SCYL2: variants seen among roughly 807,000 people sequenced by gnomAD.
SCYL2 encodes SCY1 like pseudokinase 2, also known as SCY1-like protein 2.
A neutral mutation model predicts 100.4 loss-of-function variants in SCYL2; 36 were observed. The observed-to-expected ratio is 0.36, with a 90% CI of 0.27 to 0.47. The LOEUF (loss-of-function observed/expected upper bound fraction) is 0.47, where lower values mean the gene tolerates loss of function less well. SCYL2 is among the 20% of genes least tolerant of loss of function. The pLI, the probability that SCYL2 is intolerant of heterozygous loss-of-function variation, is 1.00. For synonymous variants in SCYL2, 330 were observed against 359.2 expected (o/e 0.92, Z 0.92); for missense variants, 902 against 1,083.9 (o/e 0.83, Z 2.36).
At chr12:100,288,814 G>A (rs2096307285) in intron 2 of SCYL2, among the ~76,000 whole-genome samples, 1 of 150,476 alleles carries the variant, frequency 6.6e-6, no homozygotes, top group Non-Finnish European at 1.5e-5. Flanking sequence ...TCCAGCCTGG[G>A]TAATAGAGTG....
intron 11 of SCYL2, among the ~76,000 whole-genome samples, chr12:100,325,592 G>A (rs1212103483): frequency 6.6e-6 from 1 of 152,110 alleles, no homozygotes; most frequent in Non-Finnish European, 1.5e-5. Flanking sequence ...TCGTGAGTTA[G>A]TATTGTGTCT....
Position 100,302,510 on chromosome 12 carries a change from T to TA in SCYL2, c.480+4336dup, listed in dbSNP as rs2096329137. On this transcript the variant is annotated intron_variant, in intron 4 of 17. Transcript: ENST00000360820. Reference sequence around the variant, plus strand: ...TGTAGGATTTTATTTCTCCTTCACTTATGAAGGTTAGTTTGGCTGGATAAG... The same window carrying TA: ...TGTAGGATTTTATTTCTCCTTCACTTAATGAAGGTTAGTTTGGCTGGATAAG... Among the ~76,000 whole-genome samples, 3 of 152,242 alleles carry TA rather than the reference T, an allele frequency of 2.0e-5. No homozygotes were observed. The South Asian group carries it at 6.2e-4, about 32-fold the overall frequency.
At chr12:100,316,357 T>G (rs924445083) in intron 9 of SCYL2, among the ~76,000 whole-genome samples, 6 of 152,252 alleles carry the variant, frequency 3.9e-5, no homozygotes, top group Admixed American at 2.6e-4. Context: ...CTTTATCTCC[T>G]TACTTGAAGT....
intron 1 of SCYL2, among the ~76,000 whole-genome samples, chr12:100,281,020 T>TTTTGTTTTTTTG (rs2096297655): frequency 3.0e-5 from 2 of 67,016 alleles, no homozygotes; most frequent in African/African-American, 1.3e-4. Flanking sequence ...ACCATCAGTG[T>TTTTGTTTTTTTG]TTTTTTTTTT....
chr12:100,335,969 C>T, intron 16 of SCYL2, 63 bp downstream of exon 16: 1 of 1,209,618 alleles, frequency 8.3e-7, no homozygotes, highest in Non-Finnish European at 1.2e-6. Context: ...CTGTAAACCA[C>T]AGATTTTTGT....
intron 13 of SCYL2, among the ~76,000 whole-genome samples, chr12:100,333,006 T>C (rs968392262): frequency 6.6e-6 from 1 of 151,976 alleles, no homozygotes; most frequent in Non-Finnish European, 1.5e-5. Flanking sequence ...GTGAGCCACA[T>C]GCCTGGACCG....
At chr12:100,330,688 G>C (rs938769477) in intron 13 of SCYL2, among the ~76,000 whole-genome samples, 1 of 152,188 alleles carries the variant, frequency 6.6e-6, no homozygotes. Flanking sequence ...GCTGGAAGTT[G>C]AGAGCGTTTG....
chr12:100,331,840 T>A (rs1035744689), intron 13 of SCYL2, among the ~76,000 whole-genome samples: 2 of 152,196 alleles, frequency 1.3e-5, no homozygotes, highest in African/African-American at 4.8e-5. Flanking sequence ...TATTATACAT[T>A]AAGTGACAAA....
intron 12 of SCYL2, among the ~76,000 whole-genome samples, chr12:100,327,404 G>A (rs1001398423): frequency 6.6e-6 from 1 of 152,136 alleles, no homozygotes. Context: ...TAAAGTTATA[G>A]AAGTCCAATC....
intron 2 of SCYL2, among the ~76,000 whole-genome samples, chr12:100,284,891 G>A (rs1003201684): frequency 1.3e-5 from 2 of 152,104 alleles, no homozygotes; most frequent in African/African-American, 4.8e-5. Context: ...TGTGGTGTCG[G>A]CCAGCCATGG....
chr12:100,296,275 A>G (rs1592942487), intron 3 of SCYL2, among the ~76,000 whole-genome samples: 1 of 152,356 alleles, frequency 6.6e-6, no homozygotes, highest in African/African-American at 2.4e-5. Flanking sequence ...TAATGAATTA[A>G]TAATACTGAC....
chr12:100,297,392 A>G (rs1175800755), intron 3 of SCYL2, among the ~76,000 whole-genome samples: 2 of 152,214 alleles, frequency 1.3e-5, no homozygotes, highest in Non-Finnish European at 2.9e-5. Flanking sequence ...ATTACCCTGT[A>G]AGGCCATTGA....
Position 100,323,626 on chromosome 12 carries a change from A to T in SCYL2, c.1497A>T (p.Thr499=), listed in dbSNP as rs1023502586. 13 of 1,577,878 alleles carry T rather than the reference A, an allele frequency of 8.2e-6. No homozygotes were observed. The highest frequency in any genetic ancestry group is 1.1e-5 in the Non-Finnish European group (13 of 1,153,942). ...GAATTAAAAATGCTTGTCTACAAAC[A>T]TCTTCCCTTGCGGTAAGTAATTGCA... ...IPRIKNACLQ[T]SSLAVRVNSL... is the part of the protein sequence containing the mutation. The change falls in exon 11 of 18, where the codon ACA becomes ACT. Residue 499 remains threonine (T), a synonymous_variant. Coordinates refer to ENST00000360820, the MANE Select transcript of SCYL2 (RefSeq NM_017988.6).
intron 4 of SCYL2, among the ~76,000 whole-genome samples, chr12:100,306,686 A>G (rs1276598415): frequency 1.3e-5 from 2 of 152,230 alleles, no homozygotes; most frequent in Non-Finnish European, 2.9e-5. Context: ...GTATTCAGAT[A>G]GGAAGAGAGG....
At chr12:100,295,399 C>CG (rs1183803910) in intron 3 of SCYL2, among the ~76,000 whole-genome samples, 3 of 152,184 alleles carry the variant, frequency 2.0e-5, no homozygotes, top group African/African-American at 4.8e-5. Flanking sequence ...GCACTCCAGC[C>CG]GGGGCACCAT....
chr12:100,278,011 T>C (rs983041985), intron 1 of SCYL2, among the ~76,000 whole-genome samples: 1 of 152,202 alleles, frequency 6.6e-6, no homozygotes, highest in Non-Finnish European at 1.5e-5. Context: ...AATATACTTA[T>C]ATTTCCCCTC....
chr12:100,276,968 A>T (rs545796261), intron 1 of SCYL2, among the ~76,000 whole-genome samples: 1 of 152,224 alleles, frequency 6.6e-6, no homozygotes, highest in African/African-American at 2.4e-5. Context: ...AAAATATTTT[A>T]AAAATTTCTT....
At position 100,313,907 on chromosome 12, in the gene SCYL2, G is replaced by A. The variant is rs1042464009; in HGVS notation, c.969+369G>A. On this transcript the variant is annotated intron_variant, in intron 7 of 17. Transcript: ENST00000360820. ...TTTTTTTTTTTTTTTTTTAGACAGA[G>A]TTTCACTCTGTCACCCAGGCTGGAG... Among the ~76,000 whole-genome samples, 9 of 142,346 alleles carry A rather than the reference G, an allele frequency of 6.3e-5. No individual in the cohort carries two copies. The South Asian group carries it at 1.8e-3, about 28-fold the overall frequency. The allele number at this position is 142,346 out of a possible 152,430, so 93.4% of individuals were successfully genotyped here. A position where few individuals can be genotyped will look rare whatever the true frequency, so the allele number is the denominator to read the frequency against.
Position 100,267,445 on chromosome 12 carries a change from T to C in SCYL2, c.-376T>C. On this transcript the variant is annotated 5_prime_UTR_variant, in exon 1 of 18. Transcript: ENST00000360820. ...GACCGACCTCCCTCACCGGCGGCTC[T>C]CTCGCCTGGGCTCCCGGAGCCGGCG... 1 of 175,598 alleles carries C rather than the reference T, an allele frequency of 5.7e-6. No individual in the cohort carries two copies. Among genetic ancestry groups the C allele is most frequent in the Non-Finnish European group, 1.2e-5 (1 of 81,972 alleles). The allele number at this position is 175,598 out of a possible 1,614,324, so 10.9% of individuals were successfully genotyped here.
Sources: allele counts gnomAD v4.1 joint callset (sites outside exome capture counted in the v4.1 genomes callset), GRCh38; gene constraint gnomAD v4.1.1; transcripts MANE v1.5; gene names NCBI Gene and HGNC (gene_info 2026-07-23, HGNC 2026-07-21).